Variants in FCHO2 observed in about 807,000 individuals in gnomAD.
FCHO2 encodes the protein F-BAR domain only protein 2.
A neutral mutation model predicts 114.1 loss-of-function variants in FCHO2; 43 were observed. That is an observed-to-expected ratio of 0.38 (90% CI 0.30 to 0.49). The LOEUF (loss-of-function observed/expected upper bound fraction) is 0.49, where lower values mean the gene tolerates loss of function less well. Ranked by LOEUF, FCHO2 falls within the 20% of genes least tolerant of loss-of-function variation. The pLI is 0.97. For synonymous variants in FCHO2, 293 were observed against 315.2 expected, an observed-to-expected ratio of 0.93 and a Z score of 0.75; for missense variants, 807 against 950.4, an observed-to-expected ratio of 0.85 and a Z score of 1.98.
chr5:72,997,731 A>G, intron 5 of FCHO2: 1 of 1,460,582 alleles, frequency 6.8e-7, no homozygotes, highest in Non-Finnish European at 9.2e-7. Context: ...GTCCAATGTG[A>G]GGACTGCCTG....
In FCHO2 at chr5:72,990,883, A is replaced by G. The variant is rs547045703; in HGVS notation, c.495+19A>G. 3 of 1,529,942 alleles carry G rather than the reference A, an allele frequency of 2.0e-6. No homozygotes were observed. The South Asian group carries it at 3.8e-5, about 19-fold the overall frequency. 94.8% of individuals were successfully genotyped at this position (1,529,942 alleles called of 1,614,324 possible). A position where few individuals can be genotyped will look rare whatever the true frequency, so the allele number is the denominator to read the frequency against. Reference sequence around the variant, plus strand: ...AGAAAAGGTAATCATAATAAAAATTACATATCTGTGGTTTCAAAGCACCTT... The same window carrying G: ...AGAAAAGGTAATCATAATAAAAATTGCATATCTGTGGTTTCAAAGCACCTT... On this transcript the variant is annotated intron_variant, in intron 5 of 25. Transcript: ENST00000430046.
At chr5:73,042,405 G>A (rs1756846614) in intron 11 of FCHO2, among the ~76,000 whole-genome samples, 1 of 152,030 alleles carries the variant, frequency 6.6e-6, no homozygotes, top group African/African-American at 2.4e-5. Flanking sequence ...TTAAATTGAT[G>A]ATGTAAAATT....
chr5:73,020,898 C>A (rs2112757144), intron 8 of FCHO2: 1 of 1,228,562 alleles, frequency 8.1e-7, no homozygotes, highest in Admixed American at 1.7e-5. Flanking sequence ...CACGGGAGAG[C>A]TTATCATCTT....
In FCHO2 at chr5:73,015,729, G is replaced by T. The variant is rs368908338; in HGVS notation, c.699+5G>T. The T allele has an allele frequency of 2.0e-6, 3 of 1,536,258 alleles. No homozygotes were observed. The highest frequency in any genetic ancestry group is 8.7e-7 in the Non-Finnish European group (1 of 1,144,928). On this transcript the variant is annotated splice_donor_5th_base_variant and intron_variant, in intron 7 of 25. Coordinates refer to ENST00000430046, the MANE Select transcript of FCHO2 (RefSeq NM_138782.3). Reference sequence around the variant, plus strand: ...ATTCATTTGCAGATAGGCCAGGTAAGTTTTTTTACTTTATGTTGAACTATT... The same window carrying T: ...ATTCATTTGCAGATAGGCCAGGTAATTTTTTTTACTTTATGTTGAACTATT...
Position 72,990,770 on chromosome 5 carries a change from A to G in FCHO2, c.401A>G (p.Gln134Arg). 6.4e-7 allele frequency: 1 copy of G among 1,555,966 alleles called. No homozygotes were observed. Among genetic ancestry groups the G allele is most frequent in the East Asian group, 2.4e-5 (1 of 41,464 alleles). Residue 134 changes from glutamine (Q) to arginine (R), a missense_variant, in exon 5 of 26, where the codon CAG (glutamine) becomes CGG (arginine). Physicochemically the swap from Gln to Arg is conservative, Grantham distance 43. Transcript: ENST00000430046. ...EAVQTIQSIT[Q>R]ALQKSKENYN... ...GTCCAAACCATTCAGAGCATAACTC[A>G]GGCCCTCCAGAAATCCAAGGAAAAT...
chr5:73,030,617 G>A (rs3911450), intron 8 of FCHO2, among the ~76,000 whole-genome samples: 45,286 of 152,042 alleles, frequency 0.3, 6,966 homozygotes, highest in East Asian at 0.44. Flanking sequence ...GTCTACTAGG[G>A]CTGTATTTCT....
At chr5:72,979,166 G>T (rs555417199) in intron 2 of FCHO2, among the ~76,000 whole-genome samples, 1 of 152,088 alleles carries the variant, frequency 6.6e-6, no homozygotes, top group South Asian at 2.1e-4. Context: ...CTATTGTTTG[G>T]AATAGTTTCA....
rs370939805 is a variant in FCHO2, at chr5:73,042,216, G to C, written c.939+901G>C. On this transcript the variant is annotated intron_variant, in intron 11 of 25. Transcript: ENST00000430046. ...GAAATAGACTTATAATGAGTTACGGGGTTAAAACCATCAGTGTATTTTTGG... is the reference window on the plus strand; with the variant it reads ...GAAATAGACTTATAATGAGTTACGGCGTTAAAACCATCAGTGTATTTTTGG... 2.3e-4 allele frequency among the ~76,000 whole-genome samples: 35 copies of C among 152,072 alleles called. No individual in the cohort carries two copies. The East Asian group carries it at 2.9e-3, about 13-fold the overall frequency.
At chr5:73,055,560 G>A (rs988002541) in intron 15 of FCHO2, among the ~76,000 whole-genome samples, 4 of 152,086 alleles carry the variant, frequency 2.6e-5, no homozygotes, top group African/African-American at 9.7e-5. Flanking sequence ...AATCCAAAAG[G>A]TAGCAAAACA....
At chr5:73,082,859 G>A in intron 24 of FCHO2, 34 bp downstream of exon 24, 1 of 1,467,154 alleles carries the variant, frequency 6.8e-7, no homozygotes, top group Non-Finnish European at 9.2e-7. Flanking sequence ...TTTATAAAAT[G>A]ATGTCACTGA....
chr5:73,013,613 T>C (rs1195917962), intron 6 of FCHO2, among the ~76,000 whole-genome samples: 5 of 152,226 alleles, frequency 3.3e-5, no homozygotes, highest in African/African-American at 1.2e-4. Flanking sequence ...CAAAGAAATT[T>C]AGAAAATGCC....
chr5:72,989,436 AG>A lies in FCHO2; in HGVS notation c.136del (p.Glu46ArgfsTer8). 6.2e-7 allele frequency: 1 copy of A among 1,605,784 alleles called. No homozygotes were observed. Among genetic ancestry groups the A allele is most frequent in the South Asian group, 1.1e-5 (1 of 89,152 alleles). Reference sequence around the variant, plus strand: ...ATATTTGATTTAACAGAGCTACCATAGAGGAGGCATACTCCAGGTCAATGAC... The same window carrying A: ...ATATTTGATTTAACAGAGCTACCATAAGGAGGCATACTCCAGGTCAATGAC... Reference protein sequence around the residue: ...ADFVRERATIEEAYSRSMTKL... With the variant: ...ADFVRERATIXEAYSRSMTKL... On this transcript the variant is annotated frameshift_variant, in exon 3 of 26. Coordinates refer to ENST00000430046, the MANE Select transcript of FCHO2 (RefSeq NM_138782.3). LOFTEE classifies it high-confidence loss of function.
intron 2 of FCHO2, among the ~76,000 whole-genome samples, chr5:72,974,833 G>A (rs1465506944): frequency 3.3e-5 from 5 of 152,072 alleles, no homozygotes; most frequent in African/African-American, 7.2e-5. Flanking sequence ...ATTTTGCAGC[G>A]GCTGGTACTG....
intron 17 of FCHO2, among the ~76,000 whole-genome samples, chr5:73,058,954 A>G (rs1056107586): frequency 7.2e-5 from 11 of 152,202 alleles, no homozygotes; most frequent in African/African-American, 2.2e-4. Flanking sequence ...TTATCAATTT[A>G]AAATTTATGG....
At chr5:73,034,501 T>G in intron 8 of FCHO2, 156 bp from the exon 9 acceptor site, 1 of 504,738 alleles carries the variant, frequency 2.0e-6, no homozygotes, top group Admixed American at 4.0e-5. Flanking sequence ...GCTGATATTT[T>G]AATTATTAGG....
intron 5 of FCHO2, chr5:72,997,560 T>G: frequency 7.6e-7 from 1 of 1,315,146 alleles, no homozygotes; most frequent in Non-Finnish European, 1.1e-6. Context: ...CTTCTCAACC[T>G]GCTCCCGATG....
intron 16 of FCHO2, 138 bp from the exon 17 acceptor site, chr5:73,058,295 G>A: frequency 1.9e-6 from 1 of 515,344 alleles, no homozygotes. Context: ...ACAGGTGTGA[G>A]CCATGGTGCC....
chr5:72,973,439 A>T (rs1246470462), intron 2 of FCHO2, among the ~76,000 whole-genome samples: 2 of 152,032 alleles, frequency 1.3e-5, no homozygotes, highest in South Asian at 4.1e-4. Flanking sequence ...GGGAGAGTGT[A>T]TGTGTTGAGG....
rs372253646 is a variant in FCHO2, at chr5:73,027,006, T to G, written c.797-7651T>G. Among the ~76,000 whole-genome samples the G allele has an allele frequency of 1.2e-3, 179 of 146,352 alleles. 1 individual carries two copies. Among genetic ancestry groups the G allele is most frequent in the Middle Eastern group, 6.8e-3 (2 of 292 alleles). On this transcript the variant is annotated intron_variant, in intron 8 of 25. Transcript: ENST00000430046. ...GGCACCTGGCCTGTCATTGTTTTTT[T>G]TTTGTTTGTTTGTTTTTTTTTTTTT... is the stretch of plus-strand genomic sequence containing the variant.
Sources: gnomAD v4.1 joint callset for allele counts (sites outside exome capture counted in the v4.1 genomes callset) on GRCh38, gnomAD v4.1.1 for gene constraint, MANE v1.5 for transcripts, NCBI Gene and HGNC (gene_info 2026-07-23, HGNC 2026-07-21) for gene names.